TLN2: variants seen among roughly 807,000 people sequenced by gnomAD.
TLN2 encodes the protein talin-2.
In TLN2, 118 loss-of-function variants were observed where a neutral mutation model predicts 294.7. The observed-to-expected ratio is 0.40, with a 90% CI of 0.34 to 0.47. The LOEUF (loss-of-function observed/expected upper bound fraction) is 0.47. TLN2 is among the 20% of genes least tolerant of loss of function. The pLI is 0.84. For missense variants in TLN2, 3,083 were observed against 3,282.2 expected (o/e 0.94, Z 1.48); for synonymous variants, 1,431 against 1,304.5 (o/e 1.10, Z -2.09).
chr15:62,739,963 C>T (rs868799110), intron 31 of TLN2, among the ~76,000 whole-genome samples: 1 of 151,886 alleles, frequency 6.6e-6, no homozygotes, highest in Non-Finnish European at 1.5e-5. Flanking sequence ...TAAAAATTAC[C>T]TCCTTCAGAT....
intron 1 of TLN2, among the ~76,000 whole-genome samples, chr15:62,424,122 A>G (rs1333501498): frequency 6.6e-6 from 1 of 152,072 alleles, no homozygotes; most frequent in Non-Finnish European, 1.5e-5. Context: ...TTTATTTGTA[A>G]ATATGGATAA....
chr15:62,726,213 T>C (rs2060433020), intron 27 of TLN2, among the ~76,000 whole-genome samples: 1 of 152,246 alleles, frequency 6.6e-6, no homozygotes, highest in African/African-American at 2.4e-5. Flanking sequence ...TCATGAATTT[T>C]TAAAGAAATT....
At chr15:62,513,771 C>A (rs2040049310) in intron 1 of TLN2, among the ~76,000 whole-genome samples, 1 of 152,194 alleles carries the variant, frequency 6.6e-6, no homozygotes, top group South Asian at 2.1e-4. Flanking sequence ...AGAAGAAGTT[C>A]TACACAAAAT....
chr15:62,718,054 A>G (rs961445813), intron 24 of TLN2, among the ~76,000 whole-genome samples: 1 of 152,150 alleles, frequency 6.6e-6, no homozygotes, highest in Non-Finnish European at 1.5e-5. Flanking sequence ...CGCTCCCTGG[A>G]GCAGGGTTCA....
At chr15:62,727,516 C>A (rs2060503674) in intron 28 of TLN2, among the ~76,000 whole-genome samples, 2 of 152,104 alleles carry the variant, frequency 1.3e-5, no homozygotes, top group Admixed American at 1.3e-4. Flanking sequence ...TAAGAGATGA[C>A]AACAAATAAG....
chr15:62,670,553 CTCTT>C (rs1391276785), intron 9 of TLN2, among the ~76,000 whole-genome samples: 1 of 152,190 alleles, frequency 6.6e-6, no homozygotes, highest in African/African-American at 2.4e-5. Context: ...CTTGGAATCT[CTCTT>C]TTTTTCTTAT....
At chr15:62,647,210 G>GTTT in intron 3 of TLN2, 65 bp from the exon 4 acceptor site, 1 of 1,276,962 alleles carries the variant, frequency 7.8e-7, no homozygotes, top group Non-Finnish European at 1.1e-6. Context: ...CACTTTTTTT[G>GTTT]TTTTTTTTTC....
intron 22 of TLN2, among the ~76,000 whole-genome samples, chr15:62,715,074 A>G (rs561036586): frequency 2.6e-5 from 4 of 152,372 alleles, no homozygotes; most frequent in African/African-American, 7.2e-5. Context: ...TGCAGAAATA[A>G]AAATGTTTCA....
intron 54 of TLN2, among the ~76,000 whole-genome samples, chr15:62,825,846 A>AT (rs72171191): frequency 9.0e-4 from 72 of 80,392 alleles, no homozygotes; most frequent in African/African-American, 1.9e-3. Context: ...AATATATATA[A>AT]ATATATTATA....
intron 44 of TLN2, 151 bp from the exon 45 acceptor site, chr15:62,783,620 C>T: frequency 7.0e-7 from 1 of 1,427,068 alleles, no homozygotes; most frequent in Non-Finnish European, 9.2e-7. Context: ...AGCATCTAGC[C>T]CCAAATGCAA....
chr15:62,593,176 C>T (rs1031981451), intron 2 of TLN2, among the ~76,000 whole-genome samples: 14 of 152,118 alleles, frequency 9.2e-5, no homozygotes, highest in African/African-American at 3.4e-4. Flanking sequence ...TCCATGCTTC[C>T]TTCATTAAAA....
intron 1 of TLN2, among the ~76,000 whole-genome samples, chr15:62,432,878 G>A (rs957209181): frequency 8.5e-5 from 13 of 152,114 alleles, no homozygotes; most frequent in African/African-American, 3.1e-4. Context: ...AACTGGCAGG[G>A]GAGAGAGAAG....
intron 1 of TLN2, among the ~76,000 whole-genome samples, chr15:62,558,950 G>A (rs1324255260): frequency 6.6e-6 from 1 of 152,178 alleles, no homozygotes; most frequent in African/African-American, 2.4e-5. Flanking sequence ...CAGATACAGG[G>A]AGAGCAGAGA....
chr15:62,690,761 G>T (rs1413487227), intron 12 of TLN2, among the ~76,000 whole-genome samples: 1 of 149,074 alleles, frequency 6.7e-6, no homozygotes, highest in Non-Finnish European at 1.5e-5. Flanking sequence ...CTGCAATCCC[G>T]GCACCTCGGG....
At chr15:62,404,372 A>G (rs1350028765) in intron 1 of TLN2, among the ~76,000 whole-genome samples, 1 of 152,122 alleles carries the variant, frequency 6.6e-6, no homozygotes, top group Admixed American at 6.5e-5. Context: ...TGAAGTGTTT[A>G]TCATGGACCT....
At chr15:62,565,620 TGCTAGGCAAAC>T (rs2043330727) in intron 1 of TLN2, among the ~76,000 whole-genome samples, 1 of 152,236 alleles carries the variant, frequency 6.6e-6, no homozygotes, top group African/African-American at 2.4e-5. Context: ...ACCCTTGTTT[TGCTAGGCAAAC>T]GCTTTAAACT....
At chr15:62,590,494 A>C (rs187918004) in intron 2 of TLN2, among the ~76,000 whole-genome samples, 5 of 152,140 alleles carry the variant, frequency 3.3e-5, no homozygotes, top group South Asian at 4.2e-4. Flanking sequence ...AAAGAACATG[A>C]TCTTGTTCTT....
chr15:62,613,437 C>T (rs1051529179), intron 2 of TLN2, among the ~76,000 whole-genome samples: 1 of 152,074 alleles, frequency 6.6e-6, no homozygotes. Context: ...ACACATAGAG[C>T]TCGTGTGGAG....
chr15:62,751,629 G>C (rs2061943928), intron 34 of TLN2, among the ~76,000 whole-genome samples: 1 of 152,166 alleles, frequency 6.6e-6, no homozygotes, highest in South Asian at 2.1e-4. Flanking sequence ...TTGTTGCCAA[G>C]GAAAATATGA....
Sources: gnomAD v4.1 joint callset for allele counts (sites outside exome capture counted in the v4.1 genomes callset) on GRCh38, gnomAD v4.1.1 for gene constraint, MANE v1.5 for transcripts, NCBI Gene and HGNC (gene_info 2026-07-23, HGNC 2026-07-21) for gene names.